MAP3K21: variants seen among roughly 807,000 people sequenced by gnomAD.
MAP3K21 encodes mitogen-activated protein kinase kinase kinase MLK4.
MAP3K21 carries 63 observed loss-of-function variants against 86.1 expected under a neutral mutation model. The observed-to-expected ratio is 0.73, with a 90% CI of 0.60 to 0.90. The LOEUF (loss-of-function observed/expected upper bound fraction) is 0.90. Ranked by LOEUF, MAP3K21 falls within the 40% of genes least tolerant of loss-of-function variation. The probability of loss-of-function intolerance (pLI) is 0.00; values close to 1 mark genes in which losing one functional copy is unlikely to be tolerated. For synonymous variants in MAP3K21, 558 were observed against 564.8 expected, an observed-to-expected ratio of 0.99 and a Z score of 0.17; for missense variants, 1,220 against 1,367.7, an observed-to-expected ratio of 0.89 and a Z score of 1.70.
chr1:233,372,409 T>G (rs1157241260), intron 6 of MAP3K21: 1 of 439,048 alleles, frequency 2.3e-6, no homozygotes, highest in Non-Finnish European at 4.0e-6. Context: ...GAGTAGAAAG[T>G]GAAACACCAC....
At chr1:233,329,131 G>T (rs1294313) in intron 1 of MAP3K21, among the ~76,000 whole-genome samples, 25,184 of 152,134 alleles carry the variant, frequency 0.17, 2,376 homozygotes, top group African/African-American at 0.25. Context: ...TCAGGGGGCA[G>T]TCTGGCCTTT....
chr1:233,367,105 C>G (rs931804314), intron 5 of MAP3K21, among the ~76,000 whole-genome samples: 1 of 152,084 alleles, frequency 6.6e-6, no homozygotes, highest in Non-Finnish European at 1.5e-5. Context: ...CACGTTAATA[C>G]AAGACAAAAG....
At chr1:233,333,988 G>A (rs1464250534) in intron 1 of MAP3K21, among the ~76,000 whole-genome samples, 1 of 152,008 alleles carries the variant, frequency 6.6e-6, no homozygotes, top group Non-Finnish European at 1.5e-5. Context: ...TCAGCCTCCC[G>A]AGTAGCTGGG....
At chr1:233,371,893 G>A in intron 5 of MAP3K21, 145 bp from the exon 6 acceptor site, 1 of 762,330 alleles carries the variant, frequency 1.3e-6, no homozygotes, top group Non-Finnish European at 2.1e-6. Flanking sequence ...CGAGAAGTAA[G>A]AAACCAAAAT....
At chr1:233,356,158 C>A (rs1393910594) in intron 4 of MAP3K21, among the ~76,000 whole-genome samples, 3 of 152,132 alleles carry the variant, frequency 2.0e-5, no homozygotes, top group Non-Finnish European at 4.4e-5. Context: ...CTGATAGCTC[C>A]CTCCCCTACT....
At chr1:233,363,882 C>T (rs538529214) in intron 5 of MAP3K21, among the ~76,000 whole-genome samples, 6 of 150,102 alleles carry the variant, frequency 4.0e-5, no homozygotes, top group Admixed American at 1.3e-4. Context: ...GGCACGGGGG[C>T]GGGTGCCTGT....
At chr1:233,376,337 T>G (rs1663795715) in intron 7 of MAP3K21, 93 bp from the exon 8 acceptor site, 1 of 917,874 alleles carries the variant, frequency 1.1e-6, no homozygotes, top group African/African-American at 1.7e-5. Flanking sequence ...TTCTCTTTAC[T>G]ACCTTAAAAA....
intron 8 of MAP3K21, among the ~76,000 whole-genome samples, chr1:233,378,441 G>C (rs1054322955): frequency 6.6e-6 from 1 of 152,142 alleles, no homozygotes; most frequent in African/African-American, 2.4e-5. Flanking sequence ...AAATTCCCAG[G>C]GGATGCAGAT....
intron 1 of MAP3K21, among the ~76,000 whole-genome samples, chr1:233,341,013 A>C (rs1663029553): frequency 6.6e-6 from 1 of 152,180 alleles, no homozygotes; most frequent in Admixed American, 6.5e-5. Flanking sequence ...GGAGCTGAAA[A>C]AATTCTGTGC....
At chr1:233,332,836 TA>T (rs962242883) in intron 1 of MAP3K21, among the ~76,000 whole-genome samples, 1 of 59,348 alleles carries the variant, frequency 1.7e-5, no homozygotes, top group Non-Finnish European at 3.7e-5. Context: ...TATTGTGTTC[TA>T]TTTTTTTTTT....
intron 1 of MAP3K21, among the ~76,000 whole-genome samples, chr1:233,342,573 A>T (rs1389509057): frequency 6.6e-6 from 1 of 152,252 alleles, no homozygotes; most frequent in Non-Finnish European, 1.5e-5. Context: ...GCTTGTACAT[A>T]GCTTTGTTAG....
intron 5 of MAP3K21, among the ~76,000 whole-genome samples, chr1:233,368,594 T>C (rs1477660954): frequency 6.6e-6 from 1 of 151,944 alleles, no homozygotes; most frequent in Non-Finnish European, 1.5e-5. Context: ...AGGTCAAGGC[T>C]GCAGTGGACT....
intron 1 of MAP3K21, among the ~76,000 whole-genome samples, chr1:233,339,502 G>A (rs1459498014): frequency 8.1e-6 from 1 of 123,428 alleles, no homozygotes; most frequent in South Asian, 2.6e-4. Context: ...TTTTTTTGAG[G>A]CAGGGTCTTT....
In MAP3K21 at chr1:233,383,084, CT is replaced by C. The variant is rs151009494; in HGVS notation, c.*381del. Reference sequence around the variant, plus strand: ...TTCACTATTTTTGTTTCTTTCCTTCCTTTTTTTTCTTTTTTCCTTTCTTTCC... The same window carrying C: ...TTCACTATTTTTGTTTCTTTCCTTCCTTTTTTTCTTTTTTCCTTTCTTTCC... On this transcript the variant is annotated 3_prime_UTR_variant, in exon 10 of 10. Transcript: ENST00000366624. The C allele has an allele frequency of 5.2e-3, 817 of 155,780 alleles. 1 individual carries two copies. Among genetic ancestry groups the C allele is most frequent in the Middle Eastern group, 9.8e-3 (3 of 306 alleles). 9.6% of individuals were successfully genotyped at this position (155,780 alleles called of 1,614,324 possible).
Position 233,328,141 on chromosome 1 carries a change from C to G in MAP3K21, c.113C>G (p.Ala38Gly). 10 of 1,424,792 alleles carry G rather than the reference C, an allele frequency of 7.0e-6. No homozygotes were observed. The highest frequency in any genetic ancestry group is 9.1e-6 in the Non-Finnish European group (10 of 1,094,714). 88.3% of individuals were successfully genotyped at this position (1,424,792 alleles called of 1,614,324 possible). Reference sequence around the variant, plus strand: ...ACCTCCTCGGGCGGCTCGGCCTCGGCGGGCGCGGGGCTGTGGGCCGCGCTC... The same window carrying G: ...ACCTCCTCGGGCGGCTCGGCCTCGGGGGGCGCGGGGCTGTGGGCCGCGCTC... ...SSTSSGGSAS[A>G]GAGLWAALYD... The change falls in exon 1 of 10, where the codon GCG becomes GGG. Residue 38 changes from alanine to glycine, a missense_variant. Around this residue, in one of 5 missense-constraint regions of MAP3K21, gnomAD observed 369 missense variants for 385.3 expected, o/e 0.96. Coordinates refer to ENST00000366624, the MANE Select transcript of MAP3K21 (RefSeq NM_032435.3). The surrounding 1 kb of genome is among the most constrained non-coding windows in gnomAD (Gnocchi z 8.7).
At chr1:233,353,109 A>G (rs558540417) in intron 2 of MAP3K21, among the ~76,000 whole-genome samples, 19 of 152,152 alleles carry the variant, frequency 1.2e-4, no homozygotes, top group African/African-American at 4.6e-4. Context: ...ACATGTGATG[A>G]TGCTTTGGAG....
At chr1:233,344,259 G>A (rs1309591936) in intron 1 of MAP3K21, among the ~76,000 whole-genome samples, 2 of 152,178 alleles carry the variant, frequency 1.3e-5, no homozygotes, top group African/African-American at 2.4e-5. Context: ...CCAAAAAAGA[G>A]CTCACATTGC....
At chr1:233,334,123 C>G (rs1291893498) in intron 1 of MAP3K21, among the ~76,000 whole-genome samples, 1 of 151,312 alleles carries the variant, frequency 6.6e-6, no homozygotes, top group Non-Finnish European at 1.5e-5. Context: ...CCTCGGCCGC[C>G]CAAAGTACTG....
At chr1:233,330,356 C>T (rs1237287877) in intron 1 of MAP3K21, among the ~76,000 whole-genome samples, 1 of 152,146 alleles carries the variant, frequency 6.6e-6, no homozygotes, top group Admixed American at 6.5e-5. Flanking sequence ...ACATGAAGGA[C>T]TATAGCATTG....
Sources: gnomAD v4.1 joint callset for allele counts (sites outside exome capture counted in the v4.1 genomes callset) on GRCh38, gnomAD v4.1.1 for gene constraint, gnomAD v4.1.1 regional missense constraint, Gnocchi (gnomAD v3.1) non-coding constraint, MANE v1.5 for transcripts, NCBI Gene and HGNC (gene_info 2026-07-23, HGNC 2026-07-21) for gene names.